The following DPF3 variants were observed in gnomAD, a reference collection of about 807,000 sequenced individuals.
DPF3 encodes the protein double PHD fingers 3, also known as zinc finger protein DPF3.
DPF3 carries 18 observed loss-of-function variants against 56.8 expected under a neutral mutation model. The ratio of observed to expected loss-of-function variants is 0.32; its 90% CI spans 0.22 to 0.47. The LOEUF (loss-of-function observed/expected upper bound fraction) is 0.47. Among genes scored for constraint, DPF3 ranks in the 20% least tolerant of loss-of-function variants. DPF3 has a pLI of 1.00. For missense variants in DPF3, 403 were observed against 488.8 expected, an observed-to-expected ratio of 0.82 and a Z score of 1.65; for synonymous variants, 188 against 180.2, an observed-to-expected ratio of 1.04 and a Z score of -0.35.
At chr14:72,755,204 C>T (rs1212584584) in intron 2 of DPF3, among the ~76,000 whole-genome samples, 2 of 152,196 alleles carry the variant, frequency 1.3e-5, no homozygotes, top group Admixed American at 6.5e-5. Flanking sequence ...CTGGCCCCCA[C>T]CAGCACCCTC....
intron 1 of DPF3, among the ~76,000 whole-genome samples, chr14:72,796,037 C>A (rs185506658): frequency 6.6e-6 from 1 of 152,194 alleles, no homozygotes; most frequent in African/African-American, 2.4e-5. Context: ...ACCAAAGGAA[C>A]GAAGACTTTA....
chr14:72,804,684 A>G (rs1004322406), intron 1 of DPF3, among the ~76,000 whole-genome samples: 2 of 152,166 alleles, frequency 1.3e-5, no homozygotes, highest in African/African-American at 4.8e-5. Flanking sequence ...AGAAAGTGCC[A>G]CTGCTAGGGT....
chr14:72,665,355 A>G (rs917861886), intron 8 of DPF3, among the ~76,000 whole-genome samples: 3 of 152,218 alleles, frequency 2.0e-5, no homozygotes, highest in African/African-American at 7.2e-5. Context: ...TAGTTGCCAA[A>G]TGAACCGAGG....
At chr14:72,841,374 G>T (rs921741399) in intron 1 of DPF3, among the ~76,000 whole-genome samples, 1 of 152,114 alleles carries the variant, frequency 6.6e-6, no homozygotes, top group Non-Finnish European at 1.5e-5. Context: ...GCCCAGTTTT[G>T]TCAGATTCCA....
intron 1 of DPF3, among the ~76,000 whole-genome samples, chr14:72,817,988 G>A (rs180949828): frequency 6.6e-6 from 1 of 152,322 alleles, no homozygotes; most frequent in East Asian, 1.9e-4. Context: ...ACGGTGGCCT[G>A]TAATCCCAGC....
intron 1 of DPF3, among the ~76,000 whole-genome samples, chr14:72,831,080 T>C (rs1349396605): frequency 1.3e-5 from 2 of 152,126 alleles, no homozygotes; most frequent in Non-Finnish European, 2.9e-5. Context: ...TTCTTGGATA[T>C]TTAACCTGGA....
intron 1 of DPF3, among the ~76,000 whole-genome samples, chr14:72,852,249 A>G (rs1885013287): frequency 1.3e-5 from 2 of 152,044 alleles, no homozygotes; most frequent in African/African-American, 2.4e-5. Context: ...CCCCTAGGAG[A>G]CCACGGAGTG....
Position 72,856,883 on chromosome 14 carries a change from G to A in DPF3, c.32+37174C>T, listed in dbSNP as rs116048650. Among the ~76,000 whole-genome samples, 1,443 of 152,318 alleles carry A rather than the reference G, an allele frequency of 9.5e-3. 13 individuals are homozygous for A. The highest frequency in any genetic ancestry group is 0.037 in the Middle Eastern group (11 of 294). ...GCAAGAGGAAGTGGGCCTCCCCTGC[G>A]GGGGTATGAAATGTGGGGCGAGGAC... On this transcript the variant is annotated intron_variant, in intron 1 of 10. Transcript: ENST00000556509.
At chr14:72,667,946 C>T (rs1886508194) in intron 8 of DPF3, among the ~76,000 whole-genome samples, 2 of 152,176 alleles carry the variant, frequency 1.3e-5, no homozygotes, top group Non-Finnish European at 2.9e-5. Flanking sequence ...CAAAACCTGG[C>T]TCCTTCCTAG....
At chr14:72,714,522 A>G (rs2153575734) in intron 5 of DPF3, 21 bp from the exon 6 acceptor site, 4 of 1,613,206 alleles carry the variant, frequency 2.5e-6, no homozygotes, top group Non-Finnish European at 3.4e-6. Flanking sequence ...ATTGGGGTAC[A>G]GGATGCTTGT....
chr14:72,869,251 G>A (rs1885799238), intron 1 of DPF3, among the ~76,000 whole-genome samples: 1 of 152,152 alleles, frequency 6.6e-6, no homozygotes, highest in Non-Finnish European at 1.5e-5. Flanking sequence ...ACTTAACACT[G>A]ATCCCACATT....
chr14:72,754,660 G>A (rs777003192), intron 2 of DPF3, among the ~76,000 whole-genome samples: 16 of 152,106 alleles, frequency 1.1e-4, no homozygotes, highest in Non-Finnish European at 2.4e-4. Flanking sequence ...CCATTTTAGG[G>A]CCCTTAAAAG....
intron 7 of DPF3, among the ~76,000 whole-genome samples, chr14:72,686,415 C>T (rs760056630): frequency 4.6e-5 from 7 of 152,202 alleles, no homozygotes; most frequent in Non-Finnish European, 8.8e-5. Flanking sequence ...TTATTACCCC[C>T]GTTTTATAGA....
At chr14:72,877,251 A>G (rs1169721060) in intron 1 of DPF3, among the ~76,000 whole-genome samples, 1 of 152,176 alleles carries the variant, frequency 6.6e-6, no homozygotes, top group African/African-American at 2.4e-5. Context: ...TTGAAAAGCT[A>G]CAGTAGAGCC....
At chr14:72,689,446 C>G (rs1887579583) in intron 7 of DPF3, among the ~76,000 whole-genome samples, 1 of 152,154 alleles carries the variant, frequency 6.6e-6, no homozygotes, top group African/African-American at 2.4e-5. Flanking sequence ...AGATTAGCCT[C>G]TTGGATTAAG....
rs953710867 is a variant in DPF3, at chr14:72,614,623, T to C, written c.*4674A>G. ...TCTCTCCCCAGCTGGGTGAGGGGCT[T>C]ACTTTGCCCTCAGAAGCATCCCTGA... On this transcript the variant is annotated 3_prime_UTR_variant, in exon 11 of 11. Transcript: ENST00000556509. Among the ~76,000 whole-genome samples the C allele has an allele frequency of 6.6e-6, 1 of 151,946 alleles. No homozygotes were observed. Among genetic ancestry groups the C allele is most frequent in the Non-Finnish European group, 1.5e-5 (1 of 67,986 alleles).
chr14:72,793,283 G>A (rs950827283), intron 1 of DPF3, among the ~76,000 whole-genome samples: 2 of 152,188 alleles, frequency 1.3e-5, no homozygotes, highest in Non-Finnish European at 2.9e-5. Flanking sequence ...TGGCTGGGTG[G>A]AGAAGACCAC....
chr14:72,722,523 A>G (rs1344703694), intron 5 of DPF3, among the ~76,000 whole-genome samples: 1 of 152,210 alleles, frequency 6.6e-6, no homozygotes, highest in Non-Finnish European at 1.5e-5. Flanking sequence ...AGTGATCCTA[A>G]TGTCTGCTGA....
intron 1 of DPF3, among the ~76,000 whole-genome samples, chr14:72,800,870 C>T (rs1892866245): frequency 6.6e-6 from 1 of 152,334 alleles, no homozygotes; most frequent in Non-Finnish European, 1.5e-5. Flanking sequence ...CACAAATAGG[C>T]ATGATACAAC....
Sources: gnomAD v4.1 joint callset for allele counts (sites outside exome capture counted in the v4.1 genomes callset) on GRCh38, gnomAD v4.1.1 for gene constraint, MANE v1.5 for transcripts, NCBI Gene and HGNC (gene_info 2026-07-23, HGNC 2026-07-21) for gene names.